Variants in CACNA1E observed in about 807,000 individuals in gnomAD.
CACNA1E encodes voltage-dependent R-type calcium channel subunit alpha-1E.
A neutral mutation model predicts 259.2 loss-of-function variants in CACNA1E; 40 were observed. That is an observed-to-expected ratio of 0.15 (90% CI 0.12 to 0.20). CACNA1E has a LOEUF of 0.20. CACNA1E is among the 10% of genes least tolerant of loss of function. CACNA1E has a pLI of 1.00. For missense variants in CACNA1E, 1,874 were observed against 3,040.1 expected (o/e 0.62, Z 9.02); for synonymous variants, 1,104 against 1,138.5 (o/e 0.97, Z 0.61).
chr1:181,358,186 A>G (rs1200071357), intron 1 of CACNA1E, among the ~76,000 whole-genome samples: 1 of 152,122 alleles, frequency 6.6e-6, no homozygotes, highest in African/African-American at 2.4e-5. Flanking sequence ...GGTCTTCCTC[A>G]CTACAATGGC....
intron 6 of CACNA1E, among the ~76,000 whole-genome samples, chr1:181,620,304 C>A (rs1192382571): frequency 2.0e-5 from 3 of 152,146 alleles, no homozygotes; most frequent in African/African-American, 7.2e-5. Flanking sequence ...CTGCTATCAT[C>A]CTTTCTGTGA....
chr1:181,363,581 G>A (rs1229985850), intron 1 of CACNA1E, among the ~76,000 whole-genome samples: 2 of 152,194 alleles, frequency 1.3e-5, no homozygotes, highest in African/African-American at 4.8e-5. Flanking sequence ...CCCAGCCTCA[G>A]CCTGACCCCT....
intron 1 of CACNA1E, among the ~76,000 whole-genome samples, chr1:181,321,749 C>T (rs779501379): frequency 9.2e-5 from 14 of 152,106 alleles, no homozygotes; most frequent in South Asian, 4.1e-4. Flanking sequence ...GGAGGCAGGA[C>T]GGAGATTGGG....
At chr1:181,673,814 C>T (rs924114396) in intron 7 of CACNA1E, among the ~76,000 whole-genome samples, 8 of 152,130 alleles carry the variant, frequency 5.3e-5, no homozygotes, top group Non-Finnish European at 1.0e-4. Flanking sequence ...CCCCAACACC[C>T]GCTCTGCCAG....
chr1:181,553,760 C>T (rs1265519463), intron 3 of CACNA1E, among the ~76,000 whole-genome samples: 1 of 152,100 alleles, frequency 6.6e-6, no homozygotes, highest in African/African-American at 2.4e-5. Context: ...TTGAGATAAT[C>T]ATGTGGTTTT....
At chr1:181,393,019 G>A (rs751997541) in intron 1 of CACNA1E, among the ~76,000 whole-genome samples, 16 of 152,248 alleles carry the variant, frequency 1.1e-4, no homozygotes, top group Admixed American at 4.6e-4. Flanking sequence ...TATCTGTGTT[G>A]GAAGTTATAA....
intron 2 of CACNA1E, among the ~76,000 whole-genome samples, chr1:181,478,145 A>ATGTG (rs1317443723): frequency 1.3e-5 from 2 of 152,200 alleles, no homozygotes; most frequent in African/African-American, 4.8e-5. Context: ...AGATAACAGG[A>ATGTG]TGTGCCTCAC....
chr1:181,546,153 G>A (rs1227680638), intron 3 of CACNA1E, among the ~76,000 whole-genome samples: 1 of 152,108 alleles, frequency 6.6e-6, no homozygotes, highest in Non-Finnish European at 1.5e-5. Context: ...TGTGTGCCAG[G>A]TCGTCAAGTT....
intron 2 of CACNA1E, among the ~76,000 whole-genome samples, chr1:181,459,062 T>C (rs572058863): frequency 6.6e-6 from 1 of 152,320 alleles, no homozygotes; most frequent in South Asian, 2.1e-4. Flanking sequence ...GAGTGGAAGA[T>C]TAACCTGGGG....
At chr1:181,443,681 C>G (rs966163411) in intron 2 of CACNA1E, among the ~76,000 whole-genome samples, 7 of 152,152 alleles carry the variant, frequency 4.6e-5, no homozygotes, top group Non-Finnish European at 7.3e-5. Flanking sequence ...GCTTCTTATC[C>G]CTGTTTTACA....
intron 7 of CACNA1E, among the ~76,000 whole-genome samples, chr1:181,702,180 C>A (rs1652333531): frequency 6.6e-6 from 1 of 152,046 alleles, no homozygotes; most frequent in African/African-American, 2.4e-5. Flanking sequence ...TTATCTTTTC[C>A]ATCCTGGTTT....
At chr1:181,618,042 G>A (rs1323686035) in intron 6 of CACNA1E, among the ~76,000 whole-genome samples, 1 of 152,284 alleles carries the variant, frequency 6.6e-6, no homozygotes, top group East Asian at 1.9e-4. Flanking sequence ...GAGGCCCAAA[G>A]ATGTAGACAA....
intron 7 of CACNA1E, among the ~76,000 whole-genome samples, chr1:181,702,353 C>G (rs1652353130): frequency 1.3e-5 from 2 of 152,136 alleles, no homozygotes; most frequent in African/African-American, 2.4e-5. Flanking sequence ...CTTTACCACT[C>G]TCGCCAAGGC....
chr1:181,746,712 G>A (rs1272294418), intron 25 of CACNA1E, among the ~76,000 whole-genome samples: 1 of 152,100 alleles, frequency 6.6e-6, no homozygotes, highest in Non-Finnish European at 1.5e-5. Flanking sequence ...ACTGATTACA[G>A]GGAGGGGAGT....
chr1:181,617,117 A>C (rs1655290519), intron 6 of CACNA1E, among the ~76,000 whole-genome samples: 1 of 152,162 alleles, frequency 6.6e-6, no homozygotes, highest in South Asian at 2.1e-4. Flanking sequence ...TAGTCTTCTC[A>C]AAGAACCAAT....
chr1:181,715,402 G>A lies in CACNA1E; in HGVS notation c.1225+11G>A, dbSNP rs767087787. 18 of 1,544,760 alleles carry A rather than the reference G, an allele frequency of 1.2e-5. No homozygotes were observed. Among genetic ancestry groups the A allele is most frequent in the African/African-American group, 6.8e-5 (5 of 73,678 alleles). Reference sequence around the variant, plus strand: ...CATCCGCCTTAGAAGGTAAGGAAATGTTCTGATGCCTTATTCCAGTTGCAT... The same window carrying A: ...CATCCGCCTTAGAAGGTAAGGAAATATTCTGATGCCTTATTCCAGTTGCAT... On this transcript the variant is annotated intron_variant, in intron 9 of 47. Coordinates refer to ENST00000367573, the MANE Select transcript of CACNA1E (RefSeq NM_001205293.3).
chr1:181,484,486 G>A (rs1468399914), intron 1 of CACNA1E, among the ~76,000 whole-genome samples: 1 of 152,220 alleles, frequency 6.6e-6, no homozygotes, highest in African/African-American at 2.4e-5. Context: ...GGATTTATCA[G>A]TTCAGAAGTT....
chr1:181,631,220 C>T (rs545928830), intron 6 of CACNA1E, among the ~76,000 whole-genome samples: 2 of 152,262 alleles, frequency 1.3e-5, no homozygotes, highest in East Asian at 3.9e-4. Flanking sequence ...GCAGCCCAGG[C>T]TGTGTGCTGA....
At chr1:181,491,066 A>G (rs1036976848) in intron 1 of CACNA1E, among the ~76,000 whole-genome samples, 1 of 152,142 alleles carries the variant, frequency 6.6e-6, no homozygotes, top group Non-Finnish European at 1.5e-5. Flanking sequence ...CTCAATTTCC[A>G]CACCATTGTC....
Sources: gnomAD v4.1 joint callset for allele counts (sites outside exome capture counted in the v4.1 genomes callset) on GRCh38, gnomAD v4.1.1 for gene constraint, MANE v1.5 for transcripts, NCBI Gene and HGNC (gene_info 2026-07-23, HGNC 2026-07-21) for gene names.